The following CYP26B1 variants were observed in gnomAD, a reference collection of about 807,000 sequenced individuals.
CYP26B1 encodes cytochrome P450 family 26 subfamily B member 1, also known as cytochrome P450 26B1.
A neutral mutation model predicts 39.1 loss-of-function variants in CYP26B1; 8 were observed. The ratio of observed to expected loss-of-function variants is 0.20; its 90% CI spans 0.12 to 0.37. The LOEUF is 0.37. CYP26B1 is among the 10% of genes least tolerant of loss of function. CYP26B1 has a pLI of 1.00. For missense variants in CYP26B1, 615 were observed against 707.0 expected, an observed-to-expected ratio of 0.87 and a Z score of 1.48; for synonymous variants, 321 against 314.3, an observed-to-expected ratio of 1.02 and a Z score of -0.23.
At chr2:72,140,201 G>A (rs557468535) in intron 2 of CYP26B1, among the ~76,000 whole-genome samples, 132 of 152,292 alleles carry the variant, frequency 8.7e-4, no homozygotes, top group African/African-American at 2.9e-3. Flanking sequence ...AGGGACAGAC[G>A]GAAGGGCTGG....
intron 2 of CYP26B1, among the ~76,000 whole-genome samples, chr2:72,135,852 C>T (rs1288549661): frequency 6.6e-6 from 1 of 152,186 alleles, no homozygotes; most frequent in African/African-American, 2.4e-5. Flanking sequence ...AAAACACCTA[C>T]TGGGTGCAGA....
intron 2 of CYP26B1, among the ~76,000 whole-genome samples, chr2:72,139,503 A>G (rs1676876012): frequency 1.3e-5 from 2 of 152,136 alleles, no homozygotes; most frequent in South Asian, 4.1e-4. Context: ...CAGACCCCCA[A>G]CAGGCTCCAG....
chr2:72,132,865 G>C (rs1026105256), intron 5 of CYP26B1, among the ~76,000 whole-genome samples, 158 bp downstream of exon 5: 11 of 152,354 alleles, frequency 7.2e-5, no homozygotes, highest in Non-Finnish European at 1.5e-4. Flanking sequence ...TGATGCATTT[G>C]GGGCGCACTT....
chr2:72,143,543 G>A (rs1056299818), intron 2 of CYP26B1, among the ~76,000 whole-genome samples: 3 of 151,752 alleles, frequency 2.0e-5, no homozygotes, highest in African/African-American at 7.2e-5. Flanking sequence ...ACGCGCAGCC[G>A]CCTGCCCGCG....
At chr2:72,138,370 C>A (rs974505920) in intron 2 of CYP26B1, among the ~76,000 whole-genome samples, 4 of 152,036 alleles carry the variant, frequency 2.6e-5, no homozygotes, top group South Asian at 2.1e-4. Flanking sequence ...GCCAGGGCGG[C>A]GTCAGGGCGG....
chr2:72,139,670 C>A (rs140478028), intron 2 of CYP26B1, among the ~76,000 whole-genome samples: 260 of 152,354 alleles, frequency 1.7e-3, no homozygotes, highest in African/African-American at 6.1e-3. Context: ...ACTTGCCGAG[C>A]CACAGTATCT....
chr2:72,138,534 T>G (rs1272242100), intron 2 of CYP26B1, among the ~76,000 whole-genome samples: 1 of 152,180 alleles, frequency 6.6e-6, no homozygotes, highest in African/African-American at 2.4e-5. Flanking sequence ...TTTGTTTCCT[T>G]CTGGGGCTTC....
chr2:72,133,247 G>A lies in CYP26B1; in HGVS notation c.922C>T (p.Leu308Phe), dbSNP rs1676650773. The stretch of plus-strand genomic sequence containing the variant: ...GGGTGCTTCAGCAGCTGCATGATGA[G>A]TGAGGTGCTGGCGCTGGCCGTGGTG... ...YATTASASTS[L>F]IMQLLKHPTV... Residue 308 changes from leucine (L) to phenylalanine (F), a missense_variant, in exon 5 of 6, where the codon CTC (leucine) becomes TTC (phenylalanine). Coordinates refer to ENST00000001146, the MANE Select transcript of CYP26B1 (RefSeq NM_019885.4). The A allele has an allele frequency of 1.9e-6, 3 of 1,611,876 alleles. No individual in the cohort carries two copies. Among genetic ancestry groups the A allele is most frequent in the South Asian group, 1.1e-5 (1 of 90,934 alleles).
intron 2 of CYP26B1, among the ~76,000 whole-genome samples, chr2:72,138,732 CA>C (rs1182953283): frequency 6.6e-6 from 1 of 152,086 alleles, no homozygotes; most frequent in African/African-American, 2.4e-5. Flanking sequence ...GCTGCAGCCC[CA>C]GAGGCTCAGG....
intron 2 of CYP26B1, among the ~76,000 whole-genome samples, chr2:72,141,044 C>T (rs1250352383): frequency 6.6e-6 from 1 of 152,200 alleles, no homozygotes; most frequent in Non-Finnish European, 1.5e-5. Context: ...GAGCTGGGCA[C>T]AGGAAGCTTC....
intron 2 of CYP26B1, among the ~76,000 whole-genome samples, chr2:72,143,489 G>C (rs923796596): frequency 7.2e-6 from 1 of 139,002 alleles, no homozygotes; most frequent in Admixed American, 8.4e-5. Flanking sequence ...GCACCTCTCT[G>C]ACCAGGCCCC....
chr2:72,147,451 C>G lies in CYP26B1; in HGVS notation c.204+180G>C, dbSNP rs1404309564. Reference sequence around the variant, plus strand: ...CCTGCGCCGCGGGCGCCAGTGGTCCCGGAACCGCGCTGCCGGCGGGCTGGG... The same window carrying G: ...CCTGCGCCGCGGGCGCCAGTGGTCCGGGAACCGCGCTGCCGGCGGGCTGGG... On this transcript the variant is annotated intron_variant, in intron 1 of 5. Coordinates refer to ENST00000001146, the MANE Select transcript of CYP26B1 (RefSeq NM_019885.4). The surrounding 1 kb of genome is among the most constrained non-coding windows in gnomAD (Gnocchi z 6.1). Among the ~76,000 whole-genome samples the G allele has an allele frequency of 1.3e-5, 2 of 152,128 alleles. No homozygotes were observed. The highest frequency in any genetic ancestry group is 2.9e-5 in the Non-Finnish European group (2 of 68,006).
At position 72,129,453 on chromosome 2, in the gene CYP26B1, CAT is replaced by C. The variant is rs1181346847; in HGVS notation, c.*2772_*2773del. 3.3e-5 allele frequency: 5 copies of C among 152,648 alleles called. No homozygotes were observed. Among genetic ancestry groups the C allele is most frequent in the African/African-American group, 7.2e-5 (3 of 41,528 alleles). 9.5% of individuals were successfully genotyped at this position (152,648 alleles called of 1,614,324 possible). A position where few individuals can be genotyped will look rare whatever the true frequency, so the allele number is the denominator to read the frequency against. ...AATATTAAAACGACTGTGATAAAAA[CAT>C]ATTAATATTTTGAACCATGTTTACA... On this transcript the variant is annotated 3_prime_UTR_variant, in exon 6 of 6. Transcript: ENST00000001146.
rs1048210386 is a variant in CYP26B1, at chr2:72,147,020, A to G, written c.204+611T>C. On this transcript the variant is annotated intron_variant, in intron 1 of 5. Transcript: ENST00000001146. This position sits in a 1 kb window ranked among gnomAD's most constrained non-coding sequence, Gnocchi z 6.1. ...AATAGACCCTTTTCCCCGAAAGCCT[A>G]GAGCCCTGGATTCTCATTTTTCCTT... Among the ~76,000 whole-genome samples the G allele has an allele frequency of 6.6e-6, 1 of 152,248 alleles. No individual in the cohort carries two copies. The highest frequency in any genetic ancestry group is 1.5e-5 in the Non-Finnish European group (1 of 68,036).
intron 1 of CYP26B1, among the ~76,000 whole-genome samples, chr2:72,146,253 C>T (rs1054513494): frequency 2.6e-5 from 4 of 151,562 alleles, no homozygotes; most frequent in Non-Finnish European, 1.5e-5. Context: ...GGAGCCGTTG[C>T]CCAAGTTATT....
chr2:72,143,849 C>T, intron 2 of CYP26B1, 140 bp downstream of exon 2: 3 of 1,062,758 alleles, frequency 2.8e-6, no homozygotes, highest in Non-Finnish European at 4.2e-6. Context: ...GAGGCCTTGT[C>T]GGCGGGGAAC....
chr2:72,136,452 G>A (rs1020053823), intron 2 of CYP26B1, among the ~76,000 whole-genome samples: 1 of 152,260 alleles, frequency 6.6e-6, no homozygotes, highest in East Asian at 1.9e-4. Context: ...CATGGCTAAT[G>A]GGAGGGCTGG....
Position 72,132,565 on chromosome 2 carries a change from C to A in CYP26B1, c.1201G>T (p.Asp401Tyr), listed in dbSNP as rs1676623286. 6.2e-7 allele frequency: 1 copy of A among 1,611,276 alleles called. No individual in the cohort carries two copies. The highest frequency in any genetic ancestry group is 8.5e-7 in the Non-Finnish European group (1 of 1,178,406). ...SVMYSIRDTHDTAPVFKDVNV... is the reference protein window; with the variant it reads ...SVMYSIRDTHYTAPVFKDVNV... ...ACGTCTTTGAACACGGGCGCTGTGT[C>A]ATGGGTGTCCCGGATGCTATACATG... The change falls in exon 6 of 6, where the codon GAC (aspartate) becomes TAC (tyrosine). Residue 401 changes from aspartate (D) to tyrosine (Y), a missense_variant. Physicochemically the swap from Asp to Tyr is radical, Grantham distance 160. Coordinates refer to ENST00000001146, the MANE Select transcript of CYP26B1 (RefSeq NM_019885.4).
chr2:72,146,752 A>G (rs1220599020), intron 1 of CYP26B1, among the ~76,000 whole-genome samples: 1 of 152,172 alleles, frequency 6.6e-6, no homozygotes, highest in Non-Finnish European at 1.5e-5. Context: ...CCCCACCCCA[A>G]GAAGAAAACC....
Sources: gnomAD v4.1 joint callset for allele counts (sites outside exome capture counted in the v4.1 genomes callset) on GRCh38, gnomAD v4.1.1 for gene constraint, Gnocchi (gnomAD v3.1) non-coding constraint, MANE v1.5 for transcripts, NCBI Gene and HGNC (gene_info 2026-07-23, HGNC 2026-07-21) for gene names.